Variants in NFAM1 observed in about 807,000 individuals in gnomAD.
NFAM1 encodes the protein NFAT activating protein with ITAM motif 1.
A neutral mutation model predicts 29.0 loss-of-function variants in NFAM1; 17 were observed. The observed-to-expected ratio is 0.59, with a 90% confidence interval of 0.40 to 0.88. NFAM1 has a LOEUF of 0.88. Ranked by LOEUF, NFAM1 falls within the 40% of genes least tolerant of loss-of-function variation. The pLI, the probability that NFAM1 is intolerant of heterozygous loss-of-function variation, is 0.00. For synonymous variants in NFAM1, 175 were observed against 147.2 expected, an observed-to-expected ratio of 1.19 and a Z score of -1.36; for missense variants, 324 against 344.6, an observed-to-expected ratio of 0.94 and a Z score of 0.47.
rs374880415 is a variant in NFAM1, at chr22:42,388,214, C to CT, written c.664-1137_664-1136insA. Among the ~76,000 whole-genome samples, 1 of 151,910 alleles carries CT rather than the reference C, an allele frequency of 6.6e-6. No homozygotes were observed. The highest frequency in any genetic ancestry group is 1.5e-5 in the Non-Finnish European group (1 of 67,972). The stretch of plus-strand genomic sequence containing the variant: ...TAGGTTCGAATCTCGGCTCTGACTG[C>CT]GCCAGCCAAAGGCAACCCCTTAACC... On this transcript the variant is annotated intron_variant, in intron 4 of 5. Coordinates refer to ENST00000329021, the MANE Select transcript of NFAM1 (RefSeq NM_145912.8). This position sits in a 1 kb window ranked among gnomAD's most constrained non-coding sequence, Gnocchi z 4.1.
At chr22:42,422,593 C>T (rs1438196244) in intron 1 of NFAM1, among the ~76,000 whole-genome samples, 1 of 152,002 alleles carries the variant, frequency 6.6e-6, no homozygotes. Flanking sequence ...GAGTGAGACT[C>T]TGTCTCAAAA....
chr22:42,394,855 C>T (rs1029464768), intron 4 of NFAM1, among the ~76,000 whole-genome samples: 16 of 152,174 alleles, frequency 1.1e-4, no homozygotes, highest in East Asian at 1.9e-4. Flanking sequence ...CGGTGGCTCA[C>T]GCCTGTAATC....
At chr22:42,398,995 C>T (rs557828349) in intron 3 of NFAM1, among the ~76,000 whole-genome samples, 30 of 152,288 alleles carry the variant, frequency 2.0e-4, no homozygotes, top group Non-Finnish European at 3.8e-4. Context: ...GCCTCTGGCA[C>T]ATGAGGAGGA....
chr22:42,402,247 G>A (rs1929748048), intron 3 of NFAM1, among the ~76,000 whole-genome samples: 2 of 152,232 alleles, frequency 1.3e-5, no homozygotes, highest in Admixed American at 1.3e-4. Context: ...ACAACTCCAA[G>A]GCTTGGGCCT....
chr22:42,432,095 C>T (rs2146562986), intron 1 of NFAM1, 142 bp downstream of exon 1: 1 of 766,456 alleles, frequency 1.3e-6, no homozygotes, highest in Non-Finnish European at 2.2e-6. Context: ...GAAGGCTTCC[C>T]CTGTGAAGTC....
intron 4 of NFAM1, among the ~76,000 whole-genome samples, chr22:42,387,892 G>A (rs979239269): frequency 6.6e-6 from 1 of 152,218 alleles, no homozygotes; most frequent in Non-Finnish European, 1.5e-5. Flanking sequence ...TGGGCTTGGA[G>A]GCCCTGTCCC....
At chr22:42,435,009 C>T (rs545111747), upstream of NFAM1, among the ~76,000 whole-genome samples, 125 of 152,382 alleles carry the variant, frequency 8.2e-4, no homozygotes, top group African/African-American at 1.2e-3. Flanking sequence ...CCTAGGGGCA[C>T]GGCAACCTCA....
chr22:42,416,683 G>C (rs778812627), intron 1 of NFAM1, among the ~76,000 whole-genome samples: 1 of 152,214 alleles, frequency 6.6e-6, no homozygotes, highest in South Asian at 2.1e-4. Context: ...ACCCCAGGCT[G>C]AGAGGGGCTT....
upstream of NFAM1, among the ~76,000 whole-genome samples, chr22:42,435,512 T>A (rs1373532155): frequency 6.6e-6 from 1 of 151,854 alleles, no homozygotes; most frequent in Non-Finnish European, 1.5e-5. Context: ...CACGCCCGGC[T>A]AATTTTGTAT....
intron 4 of NFAM1, among the ~76,000 whole-genome samples, chr22:42,389,472 T>A (rs1448527583): frequency 6.6e-6 from 1 of 152,106 alleles, no homozygotes; most frequent in East Asian, 1.9e-4. Context: ...GGCTGTGAAA[T>A]GCAGGGTGCA....
chr22:42,397,333 A>G (rs1929564107), intron 4 of NFAM1, among the ~76,000 whole-genome samples: 1 of 152,170 alleles, frequency 6.6e-6, no homozygotes, highest in African/African-American at 2.4e-5. Context: ...AGTGGAACAA[A>G]CAGGGTCCCA....
intron 3 of NFAM1, among the ~76,000 whole-genome samples, chr22:42,406,817 C>G (rs1053897998): frequency 5.3e-5 from 8 of 152,162 alleles, no homozygotes; most frequent in African/African-American, 1.9e-4. Flanking sequence ...CTCTGTCGCC[C>G]AGGCTGGAGT....
Position 42,387,089 on chromosome 22 carries a change from CG to C in NFAM1, c.664-12del. On this transcript the variant is annotated splice_polypyrimidine_tract_variant and intron_variant, in intron 4 of 5. Transcript: ENST00000329021. Reference sequence around the variant, plus strand: ...GCGGCGCTGCAGAGCCTACAGGAAACGGGGTGCCAGGATCAGGGGCAAGTGT... The same window carrying C: ...GCGGCGCTGCAGAGCCTACAGGAAACGGGTGCCAGGATCAGGGGCAAGTGT... 6.5e-7 allele frequency: 1 copy of C among 1,541,436 alleles called. No homozygotes were observed. Among genetic ancestry groups the C allele is most frequent in the Non-Finnish European group, 8.8e-7 (1 of 1,132,478 alleles).
chr22:42,427,135 G>A (rs1400390227), intron 1 of NFAM1, among the ~76,000 whole-genome samples: 1 of 151,432 alleles, frequency 6.6e-6, no homozygotes, highest in Non-Finnish European at 1.5e-5. Context: ...GGCTCACCCC[G>A]TCCCTTTCTC....
chr22:42,398,781 A>C (rs1430933420), intron 3 of NFAM1, among the ~76,000 whole-genome samples: 2 of 152,126 alleles, frequency 1.3e-5, no homozygotes, highest in Non-Finnish European at 2.9e-5. Flanking sequence ...TGAGGGCACA[A>C]GGAGTAGGTG....
chr22:42,402,267 G>C (rs995183622), intron 3 of NFAM1, among the ~76,000 whole-genome samples: 4 of 152,202 alleles, frequency 2.6e-5, no homozygotes, highest in Admixed American at 6.5e-5. Context: ...TGAGCATCTG[G>C]AGCACGTGTG....
upstream of NFAM1, among the ~76,000 whole-genome samples, chr22:42,437,387 C>T (rs182683616): frequency 6.6e-6 from 1 of 152,220 alleles, no homozygotes; most frequent in Non-Finnish European, 1.5e-5. Flanking sequence ...AAGTGATCTG[C>T]CCGCCTCGGT....
chr22:42,406,604 G>T (rs1929906895), intron 3 of NFAM1, among the ~76,000 whole-genome samples: 1 of 152,064 alleles, frequency 6.6e-6, no homozygotes, highest in Non-Finnish European at 1.5e-5. Context: ...ATGTGCACCT[G>T]CCTCCCTCAT....
intron 4 of NFAM1, among the ~76,000 whole-genome samples, chr22:42,395,819 C>T (rs1471079773): frequency 1.4e-5 from 2 of 145,610 alleles, no homozygotes; most frequent in African/African-American, 5.1e-5. Flanking sequence ...GGAGGCAGAG[C>T]TTGCAGTGAG....
Sources: allele counts gnomAD v4.1 joint callset (sites outside exome capture counted in the v4.1 genomes callset), GRCh38; gene constraint gnomAD v4.1.1; non-coding constraint Gnocchi (gnomAD v3.1); transcripts MANE v1.5; gene names NCBI Gene and HGNC (gene_info 2026-07-23, HGNC 2026-07-21).